The following MSRA variants were observed in gnomAD, a reference collection of about 807,000 sequenced individuals.
MSRA encodes the protein methionine sulfoxide reductase A.
In MSRA, 54 loss-of-function variants were observed where a neutral mutation model predicts 31.3. The ratio of observed to expected loss-of-function variants is 1.73; its 90% CI spans 1.39 to 2.17. The LOEUF (loss-of-function observed/expected upper bound fraction) is 2.17, where lower values mean the gene tolerates loss of function less well. MSRA is among the 30% of genes most tolerant of loss of function. The pLI is 0.00. For synonymous variants in MSRA, 169 were observed against 116.5 expected (o/e 1.45, Z -2.90); for missense variants, 507 against 300.9 (o/e 1.69, Z -5.07).
chr8:10,163,748 T>C (rs947914841), intron 1 of MSRA, among the ~76,000 whole-genome samples: 2 of 152,194 alleles, frequency 1.3e-5, no homozygotes, highest in African/African-American at 4.8e-5. Flanking sequence ...AGAGGCGTCA[T>C]CAAAGGGGAG....
intron 5 of MSRA, among the ~76,000 whole-genome samples, chr8:10,322,500 G>A (rs2129139334): frequency 6.6e-6 from 1 of 152,278 alleles, no homozygotes; most frequent in South Asian, 2.1e-4. Context: ...TTGTACAAGT[G>A]TACAGAGAAG....
chr8:10,206,212 A>G (rs946140004), intron 1 of MSRA, among the ~76,000 whole-genome samples: 3 of 152,198 alleles, frequency 2.0e-5, no homozygotes, highest in African/African-American at 4.8e-5. Flanking sequence ...GAAGCTCAGC[A>G]TGTTTATTTG....
chr8:10,315,988 A>G (rs763205476), intron 4 of MSRA, among the ~76,000 whole-genome samples: 1 of 152,246 alleles, frequency 6.6e-6, no homozygotes, highest in Non-Finnish European at 1.5e-5. Flanking sequence ...TTATGACTAT[A>G]GAAGTAATGT....
chr8:10,345,318 G>C (rs760287943), intron 5 of MSRA, among the ~76,000 whole-genome samples: 17 of 152,174 alleles, frequency 1.1e-4, no homozygotes, highest in Non-Finnish European at 2.2e-4. Flanking sequence ...TCGGTTAGAT[G>C]GGAATAGGTT....
chr8:10,228,013 C>T (rs1811148874), intron 2 of MSRA, among the ~76,000 whole-genome samples: 1 of 152,070 alleles, frequency 6.6e-6, no homozygotes, highest in South Asian at 2.1e-4. Context: ...TCTTTGAATC[C>T]CCCCTCCCCT....
chr8:10,084,420 C>T (rs1393795893), intron 1 of MSRA, among the ~76,000 whole-genome samples: 1 of 152,246 alleles, frequency 6.6e-6, no homozygotes, highest in East Asian at 1.9e-4. Flanking sequence ...GTCTTCTGGT[C>T]TCTTCTTCTT....
rs577650565 is a variant in MSRA at position 10,385,003 on chromosome 8, G to A, written c.544-43145G>A. Among the ~76,000 whole-genome samples, 28 of 150,218 alleles carry A rather than the reference G, an allele frequency of 1.9e-4. No individual in the cohort carries two copies. In the East Asian group the frequency reaches 5.3e-3, roughly 28 times the overall value. ...GGTGACAGAGCAAAACCCTGTCTCC[G>A]AAAAAAAAAGGAAAAATAAAATGAT... On this transcript the variant is annotated intron_variant, in intron 5 of 5. Transcript: ENST00000317173.
intron 5 of MSRA, among the ~76,000 whole-genome samples, chr8:10,353,386 C>T (rs891351550): frequency 1.3e-5 from 2 of 152,130 alleles, no homozygotes; most frequent in African/African-American, 2.4e-5. Flanking sequence ...CCACCAGGGC[C>T]GTCCGTGGCG....
At chr8:10,291,744 C>G (rs1800248244) in intron 3 of MSRA, among the ~76,000 whole-genome samples, 1 of 152,034 alleles carries the variant, frequency 6.6e-6, no homozygotes, top group African/African-American at 2.4e-5. Flanking sequence ...TTGGATAAGT[C>G]TGGCTGGCAG....
intron 4 of MSRA, among the ~76,000 whole-genome samples, chr8:10,302,544 G>T (rs1297088282): frequency 6.6e-6 from 1 of 152,232 alleles, no homozygotes; most frequent in African/African-American, 2.4e-5. Flanking sequence ...GTGCTTCATG[G>T]TGGAATCTTC....
At chr8:10,341,403 G>A (rs1244261146) in intron 5 of MSRA, among the ~76,000 whole-genome samples, 1 of 152,138 alleles carries the variant, frequency 6.6e-6, no homozygotes, top group South Asian at 2.1e-4. Context: ...TGTGCACTTA[G>A]AGTGAAAGCC....
At chr8:10,353,299 A>G (rs1162768274) in intron 5 of MSRA, among the ~76,000 whole-genome samples, 1 of 152,212 alleles carries the variant, frequency 6.6e-6, no homozygotes, top group Non-Finnish European at 1.5e-5. Flanking sequence ...ACTCAGCAGC[A>G]GCTAGCTTTC....
At chr8:10,380,578 G>C (rs1036896524) in intron 5 of MSRA, among the ~76,000 whole-genome samples, 7 of 152,218 alleles carry the variant, frequency 4.6e-5, no homozygotes, top group African/African-American at 1.4e-4. Flanking sequence ...GTCCAAGATA[G>C]AAATATGCAG....
rs544816227 is a variant in MSRA, at chr8:10,231,775, C to T, written c.212-13329C>T. Among the ~76,000 whole-genome samples, 264 of 152,122 alleles carry T rather than the reference C, an allele frequency of 1.7e-3. 1 individual carries two copies. Among genetic ancestry groups the T allele is most frequent in the Middle Eastern group, 3.4e-3 (1 of 294 alleles). On this transcript the variant is annotated intron_variant, in intron 2 of 5. Transcript: ENST00000317173. ...AAAATTAGCCGGGCGTGGTGGCGGGCGCCTATAGTCCCAACTACTTGGGAG... is the reference window on the plus strand; with the variant it reads ...AAAATTAGCCGGGCGTGGTGGCGGGTGCCTATAGTCCCAACTACTTGGGAG...
At chr8:10,397,857 C>T (rs962276840) in intron 5 of MSRA, among the ~76,000 whole-genome samples, 1 of 151,910 alleles carries the variant, frequency 6.6e-6, no homozygotes, top group African/African-American at 2.4e-5. Context: ...TTCTAAATTA[C>T]CAAAAAAAAG....
intron 1 of MSRA, among the ~76,000 whole-genome samples, chr8:10,136,380 G>T (rs1802280554): frequency 6.6e-6 from 1 of 152,200 alleles, no homozygotes; most frequent in Non-Finnish European, 1.5e-5. Flanking sequence ...ATGTTACACA[G>T]CTTTGTTCAC....
chr8:10,423,494 G>A (rs186648129), intron 5 of MSRA, among the ~76,000 whole-genome samples: 73 of 151,790 alleles, frequency 4.8e-4, no homozygotes, highest in African/African-American at 1.6e-3. Flanking sequence ...AGGTTGACCA[G>A]TGGACTTGGG....
chr8:10,104,525 A>C (rs999587074), intron 1 of MSRA, among the ~76,000 whole-genome samples: 3 of 152,148 alleles, frequency 2.0e-5, no homozygotes, highest in African/African-American at 7.2e-5. Flanking sequence ...GGTAGATATA[A>C]AAATTTTGAT....
intron 3 of MSRA, among the ~76,000 whole-genome samples, chr8:10,249,433 C>T (rs1010264657): frequency 6.6e-6 from 1 of 152,182 alleles, no homozygotes. Flanking sequence ...CCTGCATTTC[C>T]CTGGAGATTT....
Sources: allele counts gnomAD v4.1 joint callset (sites outside exome capture counted in the v4.1 genomes callset), GRCh38; gene constraint gnomAD v4.1.1; transcripts MANE v1.5; gene names NCBI Gene and HGNC (gene_info 2026-07-23, HGNC 2026-07-21).